ZMAT3: variants seen among roughly 807,000 people sequenced by gnomAD.
The protein encoded by ZMAT3 is zinc finger matrin-type 3.
A neutral mutation model predicts 32.3 loss-of-function variants in ZMAT3; 17 were observed. The observed-to-expected ratio is 0.53, with a 90% CI of 0.36 to 0.79. The LOEUF (loss-of-function observed/expected upper bound fraction) is 0.79. Among genes scored for constraint, ZMAT3 ranks in the 30% least tolerant of loss-of-function variants. The probability of loss-of-function intolerance (pLI) is 0.00; values close to 1 mark genes in which losing one functional copy is unlikely to be tolerated. For synonymous variants in ZMAT3, 120 were observed against 133.1 expected, an observed-to-expected ratio of 0.90 and a Z score of 0.68; for missense variants, 329 against 359.7, an observed-to-expected ratio of 0.91 and a Z score of 0.69.
rs1721399991 is a variant in ZMAT3 at position 179,066,045 on chromosome 3, G to C, written c.270+1438C>G. ...ACCCTGGCTTCTTTTTTCAAAGTGAGTCTTAGGCTATAAAACTGAACATTC... is the reference window on the plus strand; with the variant it reads ...ACCCTGGCTTCTTTTTTCAAAGTGACTCTTAGGCTATAAAACTGAACATTC... On this transcript the variant is annotated intron_variant, in intron 2 of 5. Coordinates refer to ENST00000311417, the MANE Select transcript of ZMAT3 (RefSeq NM_022470.4). 2.6e-5 allele frequency among the ~76,000 whole-genome samples: 4 copies of C among 152,218 alleles called. No individual in the cohort carries two copies. The South Asian group carries it at 8.3e-4, about 32-fold the overall frequency.
chr3:179,028,619 C>T (rs187620953), intron 3 of ZMAT3, among the ~76,000 whole-genome samples: 1 of 152,374 alleles, frequency 6.6e-6, no homozygotes, highest in Admixed American at 6.5e-5. Flanking sequence ...AAACAGCCCC[C>T]ACTGGGGGTA....
At chr3:179,032,053 A>T (rs1237580611) in intron 2 of ZMAT3, among the ~76,000 whole-genome samples, 4 of 534 alleles carry the variant, frequency 7.5e-3, no homozygotes, top group Non-Finnish European at 0.016. Flanking sequence ...TCTGATGCTG[A>T]TCCGAGGCTG....
intron 2 of ZMAT3, among the ~76,000 whole-genome samples, chr3:179,051,685 T>C (rs944260566): frequency 6.6e-6 from 1 of 151,956 alleles, no homozygotes; most frequent in East Asian, 1.9e-4. Context: ...TAGAAAAAAA[T>C]TTATATGGAA....
intron 2 of ZMAT3, among the ~76,000 whole-genome samples, chr3:179,065,257 T>C (rs970014562): frequency 3.9e-5 from 6 of 152,196 alleles, no homozygotes; most frequent in African/African-American, 1.4e-4. Flanking sequence ...CACTTAAAAA[T>C]TCTGATTTTT....
At chr3:179,037,856 A>AAAT (rs1560088549) in intron 2 of ZMAT3, among the ~76,000 whole-genome samples, 2 of 152,194 alleles carry the variant, frequency 1.3e-5, no homozygotes, top group Non-Finnish European at 2.9e-5. Context: ...CCATTCTAAG[A>AAAT]AAAGGAGATA....
chr3:179,035,113 T>C (rs78936294), intron 2 of ZMAT3, among the ~76,000 whole-genome samples: 4,874 of 152,088 alleles, frequency 0.032, 117 homozygotes, highest in Middle Eastern at 0.12. Flanking sequence ...CTTTCTGCTA[T>C]ACTTAAAATT....
chr3:179,050,292 A>G (rs1720483626), intron 2 of ZMAT3, among the ~76,000 whole-genome samples: 1 of 152,174 alleles, frequency 6.6e-6, no homozygotes. Flanking sequence ...GAAATGGGAG[A>G]TATTACAACA....
chr3:179,032,915 C>T (rs998770370), intron 2 of ZMAT3, among the ~76,000 whole-genome samples: 1 of 151,860 alleles, frequency 6.6e-6, no homozygotes, highest in Non-Finnish European at 1.5e-5. Context: ...GGTGGGGGGG[C>T]GTCTCTGCCC....
Position 179,071,757 on chromosome 3 carries a change from T to A in ZMAT3, c.-220A>T, listed in dbSNP as rs1441740828. The stretch of plus-strand genomic sequence containing the variant: ...GCCCCCTCCGCAGCCGAAGGCTGAC[T>A]GTCAAAAGTCAGTCCAACCCGACCC... On this transcript the variant is annotated 5_prime_UTR_variant, in exon 1 of 6. Coordinates refer to ENST00000311417, the MANE Select transcript of ZMAT3 (RefSeq NM_022470.4). 6.5e-6 allele frequency: 1 copy of A among 152,840 alleles called. No homozygotes were observed. Among genetic ancestry groups the A allele is most frequent in the South Asian group, 2.1e-4 (1 of 4,846 alleles). 9.5% of individuals were successfully genotyped at this position (152,840 alleles called of 1,614,324 possible).
intron 2 of ZMAT3, among the ~76,000 whole-genome samples, chr3:179,042,932 GACAA>G (rs1328793718): frequency 2.0e-5 from 3 of 152,226 alleles, no homozygotes; most frequent in Admixed American, 6.5e-5. Flanking sequence ...ACCAATAACA[GACAA>G]ACAGAGAGCC....
rs540500052 is a variant in ZMAT3, at chr3:179,050,438, G to C, written c.270+17045C>G. Among the ~76,000 whole-genome samples the C allele has an allele frequency of 4.6e-5, 7 of 151,716 alleles. No individual in the cohort carries two copies. In the South Asian group the frequency reaches 1.3e-3, roughly 27 times the overall value. On this transcript the variant is annotated intron_variant, in intron 2 of 5. Coordinates refer to ENST00000311417, the MANE Select transcript of ZMAT3 (RefSeq NM_022470.4). ...ACCAAGAATACATAGAAACTGAACAGACCAATAACAAGCAGCAAGATTGCA... is the reference window on the plus strand; with the variant it reads ...ACCAAGAATACATAGAAACTGAACACACCAATAACAAGCAGCAAGATTGCA...
At position 179,018,506 on chromosome 3, in the gene ZMAT3, G is replaced by A. The variant is rs1718385414; in HGVS notation, c.*6511C>T. ...TTTTCCCTCCAAGGGCCCAAAGGAAGTGTTCAGTTACTTTGGAAGCCATGA... is the reference window on the plus strand; with the variant it reads ...TTTTCCCTCCAAGGGCCCAAAGGAAATGTTCAGTTACTTTGGAAGCCATGA... On this transcript the variant is annotated 3_prime_UTR_variant, in exon 6 of 6. Transcript: ENST00000311417. 6.6e-6 allele frequency: 1 copy of A among 151,960 alleles called. No individual in the cohort carries two copies. Among genetic ancestry groups the A allele is most frequent in the Non-Finnish European group, 1.5e-5 (1 of 67,986 alleles). The allele number at this position is 151,960 out of a possible 1,614,324, so 9.4% of individuals were successfully genotyped here.
chr3:179,055,939 T>C (rs1162904329), intron 2 of ZMAT3, among the ~76,000 whole-genome samples: 1 of 152,080 alleles, frequency 6.6e-6, no homozygotes, highest in Admixed American at 6.5e-5. Context: ...AGACCCTCAT[T>C]GGGACACAGA....
Position 179,027,646 on chromosome 3 carries a change from G to A in ZMAT3, c.557C>T (p.Ser186Leu), listed in dbSNP as rs753204801. 28 of 1,613,894 alleles carry A rather than the reference G, an allele frequency of 1.7e-5. No individual in the cohort carries two copies. In the Admixed American group the frequency reaches 2.7e-4, roughly 15 times the overall value. Residue 186 changes from serine (S) to leucine (L), a missense_variant and splice_region_variant, in exon 4 of 6, where the codon TCG (serine) becomes TTG (leucine). By Grantham distance (145) the Ser-to-Leu change is moderately radical. Transcript: ENST00000311417. ...CCTCAGAGAAAATGGCAATACCTAC[G>A]AGAATGAGTTACTCTGAGCTTCCGC... The part of the protein sequence containing the change: ...RLAEAQSNSF[S>L]ESSELGQRRA...
rs1718689779 is a variant in ZMAT3 at position 179,023,725 on chromosome 3, T to A, written c.*1292A>T. 4 of 45,592 alleles carry A rather than the reference T, an allele frequency of 8.8e-5. No homozygotes were observed. The highest frequency in any genetic ancestry group is 1.2e-4 in the Non-Finnish European group (3 of 25,520). The allele number at this position is 45,592 out of a possible 1,614,324, so 2.8% of individuals were successfully genotyped here. On this transcript the variant is annotated 3_prime_UTR_variant, in exon 6 of 6. Transcript: ENST00000311417. The stretch of plus-strand genomic sequence containing the variant: ...ATATATATATATTTTTTTTTTTTTT[T>A]TTTTTTTTTTTTTGAGACGGAGTCT...
intron 2 of ZMAT3, among the ~76,000 whole-genome samples, chr3:179,048,076 A>G (rs894221141): frequency 6.6e-6 from 1 of 152,216 alleles, no homozygotes; most frequent in Non-Finnish European, 1.5e-5. Context: ...GCTCAAATAT[A>G]AGGCTTTTGA....
rs1232846996 is a variant in ZMAT3, at chr3:179,023,689, A to AATATATATATATATATATATAT, written c.*1327_*1328insATATATATATATATATATATAT. 8.0e-3 allele frequency: 337 copies of AATATATATATATATATATATAT among 42,220 alleles called. 83 individuals carry two copies. Among genetic ancestry groups the AATATATATATATATATATATAT allele is most frequent in the Middle Eastern group, 0.058 (3 of 52 alleles). 2.6% of individuals were successfully genotyped at this position (42,220 alleles called of 1,614,324 possible). A position where few individuals can be genotyped will look rare whatever the true frequency, so the allele number is the denominator to read the frequency against. The stretch of plus-strand genomic sequence containing the variant: ...CTTTGTTTCCTAAAAACTGCTGGAA[A>AATATATATATATATATATATAT]ATATATCTATATATATATATATTTT... On this transcript the variant is annotated 3_prime_UTR_variant, in exon 6 of 6. Coordinates refer to ENST00000311417, the MANE Select transcript of ZMAT3 (RefSeq NM_022470.4).
At chr3:179,030,367 T>C (rs1466969495) in intron 3 of ZMAT3, among the ~76,000 whole-genome samples, 1 of 151,016 alleles carries the variant, frequency 6.6e-6, no homozygotes, top group Non-Finnish European at 1.5e-5. Context: ...TTTTTTTTTT[T>C]TTTTTGAGAT....
intron 3 of ZMAT3, among the ~76,000 whole-genome samples, chr3:179,028,156 G>A (rs1718980911): frequency 6.6e-6 from 1 of 152,178 alleles, no homozygotes; most frequent in African/African-American, 2.4e-5. Context: ...AGTAAAGTCT[G>A]CAGAATCCAT....
Sources: gnomAD v4.1 joint callset for allele counts (sites outside exome capture counted in the v4.1 genomes callset) on GRCh38, gnomAD v4.1.1 for gene constraint, MANE v1.5 for transcripts, NCBI Gene and HGNC (gene_info 2026-07-23, HGNC 2026-07-21) for gene names.